IL1RAPL1: variants seen among roughly 807,000 people sequenced by gnomAD.
IL1RAPL1 encodes interleukin-1 receptor accessory protein-like 1.
IL1RAPL1 carries 3 observed loss-of-function variants against 48.4 expected under a neutral mutation model. The ratio of observed to expected loss-of-function variants is 0.06; its 90% CI spans 0.03 to 0.16. The LOEUF (loss-of-function observed/expected upper bound fraction) is 0.16, where lower values mean the gene tolerates loss of function less well. IL1RAPL1 is among the 10% of genes least tolerant of loss of function. IL1RAPL1 has a pLI of 1.00. For missense variants in IL1RAPL1, 349 were observed against 530.6 expected (o/e 0.66, Z 3.36); for synonymous variants, 185 against 187.7 (o/e 0.99, Z 0.12).
intron 2 of IL1RAPL1, among the ~76,000 whole-genome samples, chrX:28,819,289 A>G (rs5985918): frequency 0.024 from 2,628 of 111,593 alleles, 85 homozygotes; most frequent in African/African-American, 0.081. Context: ...GTGATTCAAA[A>G]TGTTTGTTAT....
intron 2 of IL1RAPL1, among the ~76,000 whole-genome samples, chrX:29,014,518 A>C (rs1270796213): frequency 9.0e-6 from 1 of 111,431 alleles, no homozygotes; most frequent in Non-Finnish European, 1.9e-5. Flanking sequence ...AGAATGGTTT[A>C]GTTGCCCTTG....
At chrX:28,603,678 GAAGA>G (rs1282502321) in intron 1 of IL1RAPL1, among the ~76,000 whole-genome samples, 1 of 111,906 alleles carries the variant, frequency 8.9e-6, no homozygotes, top group Non-Finnish European at 1.9e-5. Flanking sequence ...AAGAAAGGAA[GAAGA>G]AAGGGAGAAA....
At chrX:29,403,344 G>GGTGT (rs746681320) in intron 5 of IL1RAPL1, among the ~76,000 whole-genome samples, 1,525 of 107,233 alleles carry the variant, frequency 0.014, 31 homozygotes, top group African/African-American at 0.047. Context: ...CTTATATTGG[G>GGTGT]GTGTGTGTGT....
chrX:29,542,115 C>T (rs148916072), intron 5 of IL1RAPL1, among the ~76,000 whole-genome samples: 2,531 of 111,125 alleles, frequency 0.023, 65 homozygotes, highest in African/African-American at 0.079. Context: ...ACATCCAAAA[C>T]ATCCAAGCTC....
At chrX:29,749,134 G>A (rs1928401055) in intron 6 of IL1RAPL1, among the ~76,000 whole-genome samples, 1 of 111,806 alleles carries the variant, frequency 8.9e-6, no homozygotes, top group Admixed American at 9.5e-5. Flanking sequence ...TGTAAAGGGA[G>A]ATGGAGCCCA....
At chrX:29,042,992 C>A (rs1926879648) in intron 2 of IL1RAPL1, among the ~76,000 whole-genome samples, 1 of 111,636 alleles carries the variant, frequency 9.0e-6, no homozygotes, top group African/African-American at 3.3e-5. Flanking sequence ...TAATTTAAAG[C>A]TAAAAATTGC....
intron 6 of IL1RAPL1, among the ~76,000 whole-genome samples, chrX:29,781,104 C>T (rs1165831099): frequency 3.6e-5 from 4 of 111,739 alleles, no homozygotes; most frequent in African/African-American, 9.7e-5. Flanking sequence ...TGTTCTTTAC[C>T]TGCCAATCAC....
chrX:28,824,964 A>C (rs1015593785), intron 2 of IL1RAPL1, among the ~76,000 whole-genome samples: 1 of 111,658 alleles, frequency 9.0e-6, no homozygotes, highest in Non-Finnish European at 1.9e-5. Context: ...ACTGAGAAAC[A>C]CTGTGCCAAT....
chrX:28,592,739 G>T (rs759542992), intron 1 of IL1RAPL1, among the ~76,000 whole-genome samples: 18 of 111,563 alleles, frequency 1.6e-4, no homozygotes, highest in South Asian at 3.7e-4. Context: ...TTAAAATAAA[G>T]AATTTTCATG....
At chrX:29,005,263 A>C (rs918179466) in intron 2 of IL1RAPL1, among the ~76,000 whole-genome samples, 3 of 112,173 alleles carry the variant, frequency 2.7e-5, no homozygotes, top group Non-Finnish European at 5.6e-5. Context: ...ACTGTTGTAA[A>C]AATTTCCCTC....
At chrX:28,601,788 GT>G (rs1268100704) in intron 1 of IL1RAPL1, among the ~76,000 whole-genome samples, 1 of 110,105 alleles carries the variant, frequency 9.1e-6, no homozygotes, top group African/African-American at 3.3e-5. Context: ...CTTTGGCTTG[GT>G]TTTTTTGGAA....
At chrX:28,990,648 C>G (rs1925581894) in intron 2 of IL1RAPL1, among the ~76,000 whole-genome samples, 1 of 111,518 alleles carries the variant, frequency 9.0e-6, no homozygotes, top group Non-Finnish European at 1.9e-5. Context: ...GCCAGCCACT[C>G]TGCCAGTGAC....
intron 6 of IL1RAPL1, among the ~76,000 whole-genome samples, chrX:29,700,292 G>T (rs1157029264): frequency 8.9e-6 from 1 of 111,960 alleles, no homozygotes; most frequent in Admixed American, 9.5e-5. Flanking sequence ...ATCACATCTT[G>T]TCAAACACAG....
chrX:28,833,467 T>G, intron 2 of IL1RAPL1, among the ~76,000 whole-genome samples: 1 of 111,900 alleles, frequency 8.9e-6, no homozygotes, highest in Admixed American at 9.5e-5. Flanking sequence ...CATTTTTCTT[T>G]GCAACCTTGC....
intron 5 of IL1RAPL1, among the ~76,000 whole-genome samples, chrX:29,413,797 G>A (rs1311363843): frequency 9.1e-6 from 1 of 110,362 alleles, no homozygotes; most frequent in African/African-American, 3.3e-5. Flanking sequence ...TATCTTATTT[G>A]TGTGCAAGCT....
intron 6 of IL1RAPL1, among the ~76,000 whole-genome samples, chrX:29,891,364 T>C (rs1410813754): frequency 1.8e-5 from 2 of 111,895 alleles, no homozygotes; most frequent in Admixed American, 9.5e-5. Flanking sequence ...AAGATGAGTG[T>C]TCTGCTTTTC....
intron 2 of IL1RAPL1, among the ~76,000 whole-genome samples, chrX:28,955,267 T>C (rs1176465358): frequency 1.8e-5 from 2 of 111,448 alleles, no homozygotes; most frequent in Non-Finnish European, 3.8e-5. Flanking sequence ...TGTATGGCCA[T>C]AGTTAGAGAT....
intron 2 of IL1RAPL1, among the ~76,000 whole-genome samples, chrX:29,103,966 C>T (rs1928396787): frequency 9.0e-6 from 1 of 111,526 alleles, no homozygotes; most frequent in South Asian, 3.7e-4. Flanking sequence ...AAAAGACAGG[C>T]AATAACAAAT....
At chrX:29,480,571 T>C (rs1935032049) in intron 5 of IL1RAPL1, among the ~76,000 whole-genome samples, 1 of 110,547 alleles carries the variant, frequency 9.0e-6, no homozygotes, top group South Asian at 3.8e-4. Context: ...CATAATAATA[T>C]ATGTAATGAA....
Sources: allele counts gnomAD v4.1 joint callset (sites outside exome capture counted in the v4.1 genomes callset), GRCh38; gene constraint gnomAD v4.1.1; transcripts MANE v1.5; gene names NCBI Gene and HGNC (gene_info 2026-07-23, HGNC 2026-07-21).